TMEM40: variants seen among roughly 807,000 people sequenced by gnomAD.
TMEM40 encodes the protein transmembrane protein 40.
A neutral mutation model predicts 40.8 loss-of-function variants in TMEM40; 34 were observed. That is an observed-to-expected ratio of 0.83 (90% CI 0.63 to 1.11). TMEM40 has a LOEUF of 1.11. Among genes scored for constraint, TMEM40 ranks in the 50% least tolerant of loss-of-function variants. TMEM40 has a pLI of 0.00. For missense variants in TMEM40, 296 were observed against 280.2 expected, an observed-to-expected ratio of 1.06 and a Z score of -0.40; for synonymous variants, 106 against 107.0, an observed-to-expected ratio of 0.99 and a Z score of 0.06.
At chr3:12,765,071 G>C (rs948710088) in intron 1 of TMEM40, among the ~76,000 whole-genome samples, 21 of 151,932 alleles carry the variant, frequency 1.4e-4, no homozygotes, top group African/African-American at 5.1e-4. Flanking sequence ...AAGCCAGTCT[G>C]GTCTTGAACT....
intron 2 of TMEM40, among the ~76,000 whole-genome samples, chr3:12,749,243 C>G (rs886224461): frequency 9.9e-5 from 15 of 152,114 alleles, no homozygotes; most frequent in Admixed American, 3.3e-4. Flanking sequence ...CCAGGATGGT[C>G]TCGATCTCCT....
intron 1 of TMEM40, among the ~76,000 whole-genome samples, chr3:12,766,900 T>C (rs1206843409): frequency 6.6e-6 from 1 of 152,040 alleles, no homozygotes; most frequent in African/African-American, 2.4e-5. Context: ...TCAGGCCACC[T>C]TGTGGAACGA....
chr3:12,758,281 C>T (rs990975022), intron 1 of TMEM40, among the ~76,000 whole-genome samples: 8 of 152,130 alleles, frequency 5.3e-5, no homozygotes, highest in African/African-American at 1.9e-4. Flanking sequence ...GAGTTCACTC[C>T]CCACCACTCC....
At position 12,743,327 on chromosome 3, in the gene TMEM40, C is replaced by T. The variant is rs372528612; in HGVS notation, c.301+573G>A. 2.0e-3 allele frequency among the ~76,000 whole-genome samples: 297 copies of T among 152,148 alleles called. 3 individuals are homozygous for T. Among genetic ancestry groups the T allele is most frequent in the African/African-American group, 6.9e-3 (288 of 41,520 alleles). ...TACTAAAAATACAAAATTAGCCAGG[C>T]ATGGTGGCGCATGCCTGTAATCCTA... On this transcript the variant is annotated intron_variant, in intron 4 of 11. Transcript: ENST00000314124.
At chr3:12,766,204 T>C (rs1442904606) in intron 1 of TMEM40, among the ~76,000 whole-genome samples, 1 of 152,068 alleles carries the variant, frequency 6.6e-6, no homozygotes, top group Non-Finnish European at 1.5e-5. Flanking sequence ...GTTCAGATTC[T>C]ATGGTGTGGA....
chr3:12,755,233 C>CTCTCTTTCTCTCTT (rs1553634013), intron 1 of TMEM40, among the ~76,000 whole-genome samples: 1 of 59,886 alleles, frequency 1.7e-5, no homozygotes, highest in Non-Finnish European at 3.3e-5. Flanking sequence ...CTCTCTCTCT[C>CTCTCTTTCTCTCTT]TCTTTCTTTC....
chr3:12,753,761 A>G (rs1228786429), intron 1 of TMEM40, among the ~76,000 whole-genome samples: 1 of 152,154 alleles, frequency 6.6e-6, no homozygotes, highest in East Asian at 1.9e-4. Context: ...TTTCTCCAAA[A>G]AGCCCAGCCC....
At chr3:12,736,705 G>T (rs2061340466) in intron 9 of TMEM40, 53 bp from the exon 10 acceptor site, 1 of 1,613,338 alleles carries the variant, frequency 6.2e-7, no homozygotes, top group African/African-American at 1.3e-5. Flanking sequence ...TGACGCCCCT[G>T]CCCCCTGCAC....
chr3:12,749,431 C>A (rs1309142452), intron 2 of TMEM40, among the ~76,000 whole-genome samples: 1 of 152,178 alleles, frequency 6.6e-6, no homozygotes, highest in African/African-American at 2.4e-5. Context: ...GAGGTGTGAT[C>A]AAGTCCTAAA....
At chr3:12,751,480 A>G (rs945013737) in intron 1 of TMEM40, among the ~76,000 whole-genome samples, 1 of 151,572 alleles carries the variant, frequency 6.6e-6, no homozygotes, top group Non-Finnish European at 1.5e-5. Context: ...TGGTTTCACC[A>G]TATTGGCCAG....
intron 1 of TMEM40, among the ~76,000 whole-genome samples, chr3:12,750,518 C>T (rs1353731722): frequency 2.0e-5 from 3 of 152,210 alleles, no homozygotes; most frequent in African/African-American, 7.2e-5. Flanking sequence ...TGCAGGCTTC[C>T]TTCTGATTCC....
rs1490195413 is a variant in TMEM40 at position 12,740,342 on chromosome 3, A to G, written c.356-1754T>C. On this transcript the variant is annotated intron_variant, in intron 5 of 11. Coordinates refer to ENST00000314124, the MANE Select transcript of TMEM40 (RefSeq NM_018306.4). Reference sequence around the variant, plus strand: ...CAACCTCAAGTGATCCACCTGCCTCAGCCTCCCAAAGTGCTGGGATTACAG... The same window carrying G: ...CAACCTCAAGTGATCCACCTGCCTCGGCCTCCCAAAGTGCTGGGATTACAG... Among the ~76,000 whole-genome samples, 3 of 151,002 alleles carry G rather than the reference A, an allele frequency of 2.0e-5. 1 individual carries two copies. The highest frequency in any genetic ancestry group is 4.4e-5 in the Non-Finnish European group (3 of 67,778).
intron 8 of TMEM40, chr3:12,737,379 C>T (rs1354283698): frequency 2.6e-6 from 1 of 377,532 alleles, no homozygotes; most frequent in African/African-American, 2.1e-5. Context: ...CCTCCAGTTC[C>T]CCATCCTGGC....
chr3:12,750,317 C>A (rs1439301584), intron 1 of TMEM40, among the ~76,000 whole-genome samples: 2 of 151,958 alleles, frequency 1.3e-5, no homozygotes, highest in African/African-American at 4.8e-5. Context: ...GTTGGTGAAC[C>A]AACTCCAATC....
chr3:12,752,616 G>A (rs1248571995), intron 1 of TMEM40, among the ~76,000 whole-genome samples: 1 of 152,036 alleles, frequency 6.6e-6, no homozygotes, highest in Non-Finnish European at 1.5e-5. Context: ...GGCCAACATG[G>A]TGAAACACAG....
chr3:12,763,270 C>G (rs181474298), upstream of TMEM40, among the ~76,000 whole-genome samples: 6 of 152,178 alleles, frequency 3.9e-5, no homozygotes, highest in East Asian at 3.9e-4. Context: ...CAGGTACTTC[C>G]CTCCCTGAGC....
At chr3:12,749,976 T>C in intron 1 of TMEM40, 136 bp from the exon 2 acceptor site, 1 of 902,916 alleles carries the variant, frequency 1.1e-6, no homozygotes, top group Admixed American at 2.7e-5. Flanking sequence ...ACAAAAAAAA[T>C]GGTAGTTCTG....
intron 1 of TMEM40, among the ~76,000 whole-genome samples, chr3:12,768,924 C>G (rs911872468): frequency 1.9e-4 from 19 of 98,732 alleles, no homozygotes; most frequent in South Asian, 4.7e-4. Context: ...GGGCCGGGGC[C>G]GGGGCGGGGC....
intron 7 of TMEM40, 33 bp from the exon 8 acceptor site, chr3:12,737,787 T>G (rs765179372): frequency 1.9e-6 from 3 of 1,602,350 alleles, no homozygotes; most frequent in Non-Finnish European, 1.7e-6. Context: ...ATATTTAACT[T>G]TGATGCAGGA....
Sources: gnomAD v4.1 joint callset for allele counts (sites outside exome capture counted in the v4.1 genomes callset) on GRCh38, gnomAD v4.1.1 for gene constraint, MANE v1.5 for transcripts, NCBI Gene and HGNC (gene_info 2026-07-23, HGNC 2026-07-21) for gene names.